NOTCH2: variants seen among roughly 807,000 people sequenced by gnomAD.
The protein encoded by NOTCH2 is neurogenic locus notch homolog protein 2.
In NOTCH2, 29 loss-of-function variants were observed where a neutral mutation model predicts 235.8. The ratio of observed to expected loss-of-function variants is 0.12; its 90% confidence interval spans 0.09 to 0.17. The LOEUF (loss-of-function observed/expected upper bound fraction) is 0.17, where lower values mean the gene tolerates loss of function less well. Among genes scored for constraint, NOTCH2 ranks in the 10% least tolerant of loss-of-function variants. The pLI, the probability that NOTCH2 is intolerant of heterozygous loss-of-function variation, is 1.00. For synonymous variants in NOTCH2, 1,086 were observed against 1,141.5 expected, an observed-to-expected ratio of 0.95 and a Z score of 0.98; for missense variants, 2,285 against 3,150.2, an observed-to-expected ratio of 0.73 and a Z score of 6.57.
chr1:120,012,109 G>C (rs1436152297), intron 2 of NOTCH2, among the ~76,000 whole-genome samples: 3 of 129,816 alleles, frequency 2.3e-5, no homozygotes, highest in Non-Finnish European at 4.8e-5. Context: ...TTCAACACTA[G>C]GCTATCCTGC....
chr1:120,046,232 T>C (rs1654785233), intron 1 of NOTCH2, among the ~76,000 whole-genome samples: 1 of 101,316 alleles, frequency 9.9e-6, no homozygotes, highest in Non-Finnish European at 2.0e-5. Context: ...TTTCACTCAC[T>C]CTAGGGTAAG....
intron 2 of NOTCH2, among the ~76,000 whole-genome samples, chr1:120,026,929 G>GAA (rs1438624327): frequency 1.6e-5 from 2 of 123,840 alleles, no homozygotes; most frequent in African/African-American, 5.9e-5. Context: ...GCCAGGGACA[G>GAA]AATTTAGGCA....
chr1:119,988,294 T>C (rs782700674), intron 4 of NOTCH2, among the ~76,000 whole-genome samples: 1 of 152,170 alleles, frequency 6.6e-6, no homozygotes, highest in Admixed American at 6.6e-5. Flanking sequence ...ATGGCAGTCA[T>C]ATAAATAAGT....
intron 5 of NOTCH2, among the ~76,000 whole-genome samples, chr1:119,975,505 G>A (rs1022934097): frequency 2.0e-5 from 3 of 152,132 alleles, no homozygotes; most frequent in Non-Finnish European, 4.4e-5. Context: ...AATTAACTGG[G>A]CATGATGGTG....
chr1:119,918,929 A>C (rs1196059377), intron 31 of NOTCH2, among the ~76,000 whole-genome samples: 1 of 150,108 alleles, frequency 6.7e-6, no homozygotes, highest in Non-Finnish European at 1.5e-5. Context: ...CAGGTCAAGA[A>C]AACTGCCAAT....
intron 2 of NOTCH2, among the ~76,000 whole-genome samples, chr1:120,010,960 C>A (rs1239109475): frequency 4.6e-5 from 7 of 152,154 alleles, no homozygotes; most frequent in African/African-American, 1.7e-4. Flanking sequence ...CATTCTGATA[C>A]ATGCTACAAC....
At chr1:119,922,482 A>G (rs1217376377) in intron 27 of NOTCH2, 36 bp from the exon 28 acceptor site, 1 of 1,598,636 alleles carries the variant, frequency 6.3e-7, no homozygotes, top group Non-Finnish European at 8.5e-7. Context: ...GTGCTGAATA[A>G]AACATTAACC....
chr1:120,029,374 G>A (rs183647529), intron 2 of NOTCH2, among the ~76,000 whole-genome samples: 1 of 151,770 alleles, frequency 6.6e-6, no homozygotes, highest in Non-Finnish European at 1.5e-5. Flanking sequence ...TTTTTGAGAT[G>A]GAGTCTTGCT....
At chr1:119,962,750 G>A (rs1358465256) in intron 11 of NOTCH2, among the ~76,000 whole-genome samples, 1 of 152,142 alleles carries the variant, frequency 6.6e-6, no homozygotes, top group African/African-American at 2.4e-5. Context: ...GCACACATTG[G>A]TTAATCTTCC....
chr1:119,939,904 T>C (rs1553196252), intron 19 of NOTCH2, among the ~76,000 whole-genome samples: 1 of 152,250 alleles, frequency 6.6e-6, no homozygotes, highest in African/African-American at 2.4e-5. Flanking sequence ...TCCTATGTTC[T>C]TTGGAGTTAT....
At chr1:119,966,081 C>A (rs1651123354) in intron 9 of NOTCH2, among the ~76,000 whole-genome samples, 2 of 152,080 alleles carry the variant, frequency 1.3e-5, no homozygotes, top group Admixed American at 1.3e-4. Context: ...AAATAAAATC[C>A]CGAATAGCCT....
chr1:119,966,386 C>T lies in NOTCH2; in HGVS notation c.1557G>A (p.Leu519=), dbSNP rs141161410. The T allele has an allele frequency of 1.2e-5, 20 of 1,612,748 alleles. No individual in the cohort carries two copies. In the East Asian group the frequency reaches 2.9e-4, roughly 23 times the overall value. The part of the protein sequence containing the change: ...CVDKVNRFQC[L]CPPGFTGPVC... ...GTCGTGGGCACTTACCAGGAGGACA[C>T]AGGCACTGGAAACGATTGACTTTAT... is the stretch of plus-strand genomic sequence containing the variant. The change falls in exon 9 of 34, where the codon CTG becomes CTA. Residue 519 remains leucine, a synonymous_variant. Coordinates refer to ENST00000256646, the MANE Select transcript of NOTCH2 (RefSeq NM_024408.4).
At position 119,959,466 on chromosome 1, in the gene NOTCH2, C is replaced by A. The variant is rs1650854278; in HGVS notation, c.1952G>T (p.Ser651Ile). ...ACAGATTCCATGGATACAAGGGTTACTTGCACAGTCATCAAAATTAATTTC... is the reference window on the plus strand; with the variant it reads ...ACAGATTCCATGGATACAAGGGTTAATTGCACAGTCATCAAAATTAATTTC... ...NCEINFDDCASNPCIHGICMD... is the reference protein window; with the variant it reads ...NCEINFDDCAINPCIHGICMD... The change falls in exon 12 of 34, where the codon AGT becomes ATT. Residue 651 changes from serine (S) to isoleucine (I), a missense_variant. Coordinates refer to ENST00000256646, the MANE Select transcript of NOTCH2 (RefSeq NM_024408.4). 6.2e-7 allele frequency: 1 copy of A among 1,609,284 alleles called. No homozygotes were observed. The highest frequency in any genetic ancestry group is 1.3e-5 in the African/African-American group (1 of 74,808).
intron 3 of NOTCH2, among the ~76,000 whole-genome samples, chr1:119,999,976 A>AAGG (rs58528085): frequency 0.028 from 1,541 of 55,852 alleles, 26 homozygotes; most frequent in Non-Finnish European, 0.04. Context: ...AGAAAGAAAG[A>AAGG]AAGGAAGGAA....
rs2101145783 is a variant in NOTCH2, at chr1:119,968,243, G to A, written c.1109-11C>T. 6.2e-7 allele frequency: 1 copy of A among 1,613,346 alleles called. No individual in the cohort carries two copies. The highest frequency in any genetic ancestry group is 8.5e-7 in the Non-Finnish European group (1 of 1,179,786). On this transcript the variant is annotated splice_polypyrimidine_tract_variant and intron_variant, in intron 6 of 33. Transcript: ENST00000256646. Reference sequence around the variant, plus strand: ...GATGACACAGGAGACCTGTCACAGGGTGGGGCAAAGGACAACTAAGAGAAA... The same window carrying A: ...GATGACACAGGAGACCTGTCACAGGATGGGGCAAAGGACAACTAAGAGAAA...
intron 13 of NOTCH2, 128 bp from the exon 14 acceptor site, chr1:119,953,816 G>C (rs1553198122): frequency 1.2e-6 from 1 of 825,828 alleles, no homozygotes; most frequent in African/African-American, 1.7e-5. Context: ...AACTATCCTT[G>C]CATCACCTTG....
chr1:120,053,667 G>C (rs1391690847), intron 1 of NOTCH2, among the ~76,000 whole-genome samples: 2 of 141,562 alleles, frequency 1.4e-5, no homozygotes, highest in Non-Finnish European at 3.0e-5. Flanking sequence ...CCATAATCTT[G>C]CGTTGGCCAT....
chr1:119,947,255 T>C (rs1281796119), intron 17 of NOTCH2, among the ~76,000 whole-genome samples: 2 of 152,120 alleles, frequency 1.3e-5, no homozygotes, highest in African/African-American at 2.4e-5. Flanking sequence ...TGGAGGGAAA[T>C]CATTGGGAAG....
chr1:119,937,850 A>C lies in NOTCH2; in HGVS notation c.3337+7T>G. 6.2e-7 allele frequency: 1 copy of C among 1,614,190 alleles called. No homozygotes were observed. Among genetic ancestry groups the C allele is most frequent in the Non-Finnish European group, 8.5e-7 (1 of 1,180,046 alleles). ...GAATGACCTGAGCCCAAGGGAGCAA[A>C]GCTTACCTCTCCTGGAGGCTGCTAT... On this transcript the variant is annotated splice_region_variant and intron_variant, in intron 20 of 33. Transcript: ENST00000256646.
Sources: allele counts gnomAD v4.1 joint callset (sites outside exome capture counted in the v4.1 genomes callset), GRCh38; gene constraint gnomAD v4.1.1; transcripts MANE v1.5; gene names NCBI Gene and HGNC (gene_info 2026-07-23, HGNC 2026-07-21).